ZNF85: variants seen among roughly 807,000 people sequenced by gnomAD.
ZNF85 encodes the protein zinc finger protein 85.
A neutral mutation model predicts 53.9 loss-of-function variants in ZNF85; 50 were observed. The observed-to-expected ratio is 0.93, with a 90% CI of 0.74 to 1.17. ZNF85 has a LOEUF of 1.17. Ranked by LOEUF, ZNF85 falls within the 50% of genes most tolerant of loss-of-function variation. ZNF85 has a pLI of 0.00. For missense variants in ZNF85, 747 were observed against 688.5 expected, an observed-to-expected ratio of 1.08 and a Z score of -0.95; for synonymous variants, 225 against 226.1, an observed-to-expected ratio of 1.00 and a Z score of 0.04.
chr19:20,949,268 C>T lies in ZNF85; in HGVS notation c.754C>T (p.His252Tyr), dbSNP rs1973504454. ...SSNLIKHKKI[H>Y]TGEKPYKCEE... ...AAACCTTATTAAACATAAGAAAATTCATACTGGAGAGAAACCCTACAAATG... is the reference window on the plus strand; with the variant it reads ...AAACCTTATTAAACATAAGAAAATTTATACTGGAGAGAAACCCTACAAATG... Residue 252 changes from histidine to tyrosine, a missense_variant, in exon 4 of 4, where the codon CAT (histidine) becomes TAT (tyrosine). Coordinates refer to ENST00000328178, the MANE Select transcript of ZNF85 (RefSeq NM_003429.5). 1 of 1,612,706 alleles carries T rather than the reference C, an allele frequency of 6.2e-7. No homozygotes were observed. Among genetic ancestry groups the T allele is most frequent in the Non-Finnish European group, 8.5e-7 (1 of 1,179,476 alleles).
At chr19:20,933,955 TTATGTGTGTGTGTGTGTG>T in intron 1 of ZNF85, 51 bp from the exon 2 acceptor site, 2 of 1,304,264 alleles carry the variant, frequency 1.5e-6, no homozygotes, top group Non-Finnish European at 2.0e-6. Flanking sequence ...CAGTTGGTAA[TTATGTGTGTGTGTGTGTG>T]TGTGTGTGTG....
At chr19:20,938,904 ATTTTAT>A (rs1973228503) in intron 3 of ZNF85, among the ~76,000 whole-genome samples, 1 of 148,352 alleles carries the variant, frequency 6.7e-6, no homozygotes, top group Non-Finnish European at 1.5e-5. Context: ...GTGTGTGTGT[ATTTTAT>A]TTAGCAGTTT....
At chr19:20,936,248 C>G (rs1292261948) in intron 3 of ZNF85, among the ~76,000 whole-genome samples, 1 of 151,826 alleles carries the variant, frequency 6.6e-6, no homozygotes, top group Non-Finnish European at 1.5e-5. Context: ...CTACAACCAG[C>G]AACTTTTACT....
At chr19:20,937,182 C>T (rs1340006460) in intron 3 of ZNF85, 8 of 371,036 alleles carry the variant, frequency 2.2e-5, no homozygotes, top group Non-Finnish European at 4.3e-5. Context: ...AAGCCGTGCA[C>T]CACAACGTCT....
intron 1 of ZNF85, 144 bp downstream of exon 1, chr19:20,923,547 C>G: frequency 1.4e-6 from 2 of 1,391,350 alleles, no homozygotes; most frequent in Non-Finnish European, 2.0e-6. Flanking sequence ...GCCCCAGTTC[C>G]TCCAGCCATA....
At chr19:20,935,434 T>A (rs1973134289) in intron 3 of ZNF85, among the ~76,000 whole-genome samples, 4 of 152,152 alleles carry the variant, frequency 2.6e-5, no homozygotes. Context: ...TTGAAATATG[T>A]GAGTAGTGGT....
At chr19:20,939,848 C>T (rs1182882865) in intron 3 of ZNF85, among the ~76,000 whole-genome samples, 1 of 152,126 alleles carries the variant, frequency 6.6e-6, no homozygotes, top group African/African-American at 2.4e-5. Context: ...CAGGCATGCA[C>T]CACCACACCC....
chr19:20,941,786 G>A (rs1973301911), intron 3 of ZNF85, among the ~76,000 whole-genome samples: 2 of 145,648 alleles, frequency 1.4e-5, no homozygotes, highest in African/African-American at 5.1e-5. Context: ...TTGATGCGCA[G>A]AAACTTTGAA....
chr19:20,934,066 A>G lies in ZNF85; in HGVS notation c.46A>G (p.Lys16Glu), dbSNP rs1599433028. The change falls in exon 2 of 4, where the codon AAG becomes GAG. Residue 16 changes from lysine to glutamate, a missense_variant. Physicochemically the swap from Lys to Glu is moderately conservative, Grantham distance 56. Transcript: ENST00000328178. ...FRDVAIEFSL[K>E]EWQCLDTAQR... The stretch of plus-strand genomic sequence containing the variant: ...GGATGTGGCCATAGAATTCTCTCTG[A>G]AGGAGTGGCAATGCCTGGACACTGC... 1.2e-6 allele frequency: 2 copies of G among 1,611,948 alleles called. No individual in the cohort carries two copies. Among genetic ancestry groups the G allele is most frequent in the Non-Finnish European group, 1.7e-6 (2 of 1,179,110 alleles).
Position 20,949,252 on chromosome 19 carries a change from T to G in ZNF85, c.738T>G (p.Ile246Met). 1 of 1,612,928 alleles carries G rather than the reference T, an allele frequency of 6.2e-7. No homozygotes were observed. The highest frequency in any genetic ancestry group is 8.5e-7 in the Non-Finnish European group (1 of 1,179,556). The change falls in exon 4 of 4, where the codon ATT (isoleucine) becomes ATG (methionine). Residue 246 changes from isoleucine to methionine, a missense_variant. Ile to Met is a conservative substitution (Grantham distance 10). Coordinates refer to ENST00000328178, the MANE Select transcript of ZNF85 (RefSeq NM_003429.5). ...CCTTTAACCAGTCCTCAAACCTTAT[T>G]AAACATAAGAAAATTCATACTGGAG... ...GKAFNQSSNLIKHKKIHTGEK... is the reference protein window; with the variant it reads ...GKAFNQSSNLMKHKKIHTGEK...
Position 20,950,354 on chromosome 19 carries a change from A to G in ZNF85, c.*52A>G. On this transcript the variant is annotated 3_prime_UTR_variant, in exon 4 of 4. Coordinates refer to ENST00000328178, the MANE Select transcript of ZNF85 (RefSeq NM_003429.5). ...TACAAGTCTTACTAAACATAAGAAA[A>G]TTTATACTGGAGAGAAACTACTAAC... The G allele has an allele frequency of 7.7e-7, 1 of 1,300,460 alleles. No homozygotes were observed. The highest frequency in any genetic ancestry group is 1.0e-6 in the Non-Finnish European group (1 of 960,374). 80.6% of individuals were successfully genotyped at this position (1,300,460 alleles called of 1,614,324 possible). A position where few individuals can be genotyped will look rare whatever the true frequency, so the allele number is the denominator to read the frequency against.
At chr19:20,945,821 G>A (rs1180895532) in intron 3 of ZNF85, 1 of 152,164 alleles carries the variant, frequency 6.6e-6, no homozygotes, top group African/African-American at 2.4e-5. Context: ...TAAATCTGCT[G>A]GATGGTTTAA....
At chr19:20,940,572 A>T (rs983807205) in intron 3 of ZNF85, among the ~76,000 whole-genome samples, 9 of 152,172 alleles carry the variant, frequency 5.9e-5, no homozygotes, top group Non-Finnish European at 1.3e-4. Context: ...AGGAATGTTA[A>T]GTATATTCAC....
chr19:20,946,441 T>G (rs766488946), intron 3 of ZNF85: 15 of 329,984 alleles, frequency 4.5e-5, no homozygotes, highest in South Asian at 9.9e-5. Context: ...AATATTCTTT[T>G]TTTTTATTAT....
rs769603444 is a variant in ZNF85 at position 20,950,041 on chromosome 19, A to C, written c.1527A>C (p.Pro509=). The C allele has an allele frequency of 1.4e-5, 22 of 1,611,456 alleles. No individual in the cohort carries two copies. The highest frequency in any genetic ancestry group is 3.3e-5 in the Admixed American group (2 of 59,860). ...IHKIIHTGEK[P]YKCEECGKAF... is the part of the protein sequence containing the mutation. ...AGATAATTCATACTGGAGAGAAACCATACAAATGTGAAGAATGTGGCAAAG... is the reference window on the plus strand; with the variant it reads ...AGATAATTCATACTGGAGAGAAACCCTACAAATGTGAAGAATGTGGCAAAG... Residue 509 remains proline, a synonymous_variant, in exon 4 of 4, where the codon CCA becomes CCC. Transcript: ENST00000328178.
chr19:20,944,875 C>T (rs80356138), intron 3 of ZNF85, among the ~76,000 whole-genome samples: 9 of 152,106 alleles, frequency 5.9e-5, no homozygotes, highest in Non-Finnish European at 1.0e-4. Flanking sequence ...ATGAATCAGC[C>T]ATATGTCTAT....
In ZNF85 at chr19:20,950,000, AC is replaced by A. The variant is rs751483038; in HGVS notation, c.1489del (p.Thr498LeufsTer5). 3.7e-6 allele frequency: 6 copies of A among 1,612,554 alleles called. No individual in the cohort carries two copies. The highest frequency in any genetic ancestry group is 5.1e-6 in the Non-Finnish European group (6 of 1,179,514). On this transcript the variant is annotated frameshift_variant, in exon 4 of 4. Transcript: ENST00000328178. LOFTEE classifies it high-confidence loss of function. Reference sequence around the variant, plus strand: ...TGGCAAAGGTTTTAAATGGCCCTCAACCCTTACTATCCATAAGATAATTCAT... The same window carrying A: ...TGGCAAAGGTTTTAAATGGCCCTCAACCTTACTATCCATAAGATAATTCAT... ...ECGKGFKWPS[T>X]LTIHKIIHTG...
At chr19:20,937,048 T>A (rs1258828102) in intron 3 of ZNF85, 2 of 188,422 alleles carry the variant, frequency 1.1e-5, no homozygotes, top group African/African-American at 4.7e-5. Context: ...TGTTTTTTGT[T>A]TTTGAGACGG....
chr19:20,933,983 GTGTGTGTGTGTGTGTATGTGTA>G lies in ZNF85; in HGVS notation c.4-31_4-10del, dbSNP rs1568548040. 2.0e-6 allele frequency: 3 copies of G among 1,463,880 alleles called. No individual in the cohort carries two copies. The highest frequency in any genetic ancestry group is 2.8e-6 in the Non-Finnish European group (3 of 1,067,598). 90.7% of individuals were successfully genotyped at this position (1,463,880 alleles called of 1,614,324 possible). A position where few individuals can be genotyped will look rare whatever the true frequency, so the allele number is the denominator to read the frequency against. ...TGTGTGTGTGTGTGTGTGTGTGTGT[GTGTGTGTGTGTGTGTATGTGTA>G]TGTGTGTGTATCTTTCAGGGACCAT... On this transcript the variant is annotated intron_variant, in intron 1 of 3. Transcript: ENST00000328178.
Sources: gnomAD v4.1 joint callset for allele counts (sites outside exome capture counted in the v4.1 genomes callset) on GRCh38, gnomAD v4.1.1 for gene constraint, MANE v1.5 for transcripts, NCBI Gene and HGNC (gene_info 2026-07-23, HGNC 2026-07-21) for gene names.